TTL: variants seen among roughly 807,000 people sequenced by gnomAD.
TTL encodes tubulin--tyrosine ligase.
Under a neutral mutation model 41.1 loss-of-function variants are expected in TTL, and 10 were observed. The ratio of observed to expected loss-of-function variants is 0.24; its 90% CI spans 0.15 to 0.41. The LOEUF is 0.41. Ranked by LOEUF, TTL falls within the 10% of genes least tolerant of loss-of-function variation. TTL has a pLI of 1.00. For missense variants in TTL, 367 were observed against 460.4 expected, an observed-to-expected ratio of 0.80 and a Z score of 1.86; for synonymous variants, 175 against 175.5, an observed-to-expected ratio of 1.00 and a Z score of 0.02.
At chr2:112,495,365 CA>C (rs1054313391) in intron 3 of TTL, among the ~76,000 whole-genome samples, 1 of 152,212 alleles carries the variant, frequency 6.6e-6, no homozygotes, top group African/African-American at 2.4e-5. Context: ...AGGCTTCACA[CA>C]AACACAGACA....
At chr2:112,513,005 A>G (rs1388246020) in intron 5 of TTL, among the ~76,000 whole-genome samples, 2 of 151,330 alleles carry the variant, frequency 1.3e-5, no homozygotes, top group Admixed American at 1.3e-4. Flanking sequence ...TACAGTATAC[A>G]TATCAATTAT....
chr2:112,486,145 C>T (rs888282361), intron 2 of TTL, 150 bp downstream of exon 2: 2 of 734,952 alleles, frequency 2.7e-6, no homozygotes, highest in African/African-American at 1.8e-5. Flanking sequence ...TGGTTGCGGT[C>T]CAAAACATGG....
chr2:112,483,304 G>T (rs1423304131), intron 1 of TTL: 2 of 152,238 alleles, frequency 1.3e-5, no homozygotes, highest in East Asian at 1.9e-4. Flanking sequence ...GGGACTAGCG[G>T]CTCCTTTGTA....
intron 2 of TTL, among the ~76,000 whole-genome samples, chr2:112,487,607 G>A (rs1462914235): frequency 6.6e-6 from 1 of 152,208 alleles, no homozygotes; most frequent in African/African-American, 2.4e-5. Context: ...ATAAATATCT[G>A]TGACCTTGGA....
intron 2 of TTL, among the ~76,000 whole-genome samples, chr2:112,490,369 G>A (rs1000393507): frequency 6.6e-5 from 10 of 152,008 alleles, no homozygotes; most frequent in African/African-American, 2.4e-4. Flanking sequence ...AGTGAGCCGA[G>A]ATTGTGCCGC....
chr2:112,498,023 T>A (rs1372556867), intron 3 of TTL, among the ~76,000 whole-genome samples: 2 of 152,226 alleles, frequency 1.3e-5, no homozygotes, highest in East Asian at 3.9e-4. Context: ...AAACCAAAGT[T>A]AAAAACACAA....
At chr2:112,523,387 T>C (rs1464046634) in intron 6 of TTL, among the ~76,000 whole-genome samples, 1 of 149,714 alleles carries the variant, frequency 6.7e-6, no homozygotes, top group Non-Finnish European at 1.5e-5. Context: ...CGCCCCTTCT[T>C]CTTTATTTCT....
rs1682510398 is a variant in TTL at position 112,531,573 on chromosome 2, G to T, written c.*2778G>T. On this transcript the variant is annotated 3_prime_UTR_variant, in exon 7 of 7. Coordinates refer to ENST00000233336, the MANE Select transcript of TTL (RefSeq NM_153712.5). The stretch of plus-strand genomic sequence containing the variant: ...TGCCCACTCTTCCCCTGTACCCCCG[G>T]ACAGTTAAATCAGAACCTCAGACAG... 1 of 229,490 alleles carries T rather than the reference G, an allele frequency of 4.4e-6. No individual in the cohort carries two copies. The highest frequency in any genetic ancestry group is 5.7e-5 in the Admixed American group (1 of 17,626). 14.2% of individuals were successfully genotyped at this position (229,490 alleles called of 1,614,324 possible). A position where few individuals can be genotyped will look rare whatever the true frequency, so the allele number is the denominator to read the frequency against.
intron 5 of TTL, among the ~76,000 whole-genome samples, chr2:112,503,828 T>C (rs1185336421): frequency 1.5e-5 from 2 of 136,190 alleles, no homozygotes; most frequent in African/African-American, 5.3e-5. Context: ...TTTTTTTTAT[T>C]ATACTCTAAG....
rs1032859245 is a variant in TTL at position 112,541,225 on chromosome 2, C to T, written c.*12430C>T. ...GACAGGCAACAAAAGAAAAAAACTA[C>T]ACTTCAAAATTAAAACGTTTTGCTT... On this transcript the variant is annotated 3_prime_UTR_variant, in exon 7 of 7. Transcript: ENST00000233336. 2.6e-5 allele frequency: 4 copies of T among 152,034 alleles called. No homozygotes were observed. The highest frequency in any genetic ancestry group is 9.7e-5 in the African/African-American group (4 of 41,356). The allele number at this position is 152,034 out of a possible 1,614,324, so 9.4% of individuals were successfully genotyped here.
In TTL at chr2:112,502,928, G is replaced by A; in HGVS notation, c.622G>A (p.Asp208Asn). Residue 208 changes from aspartate to asparagine, a missense_variant, in exon 5 of 7, where the codon GAT (aspartate) becomes AAT (asparagine). Coordinates refer to ENST00000233336, the MANE Select transcript of TTL (RefSeq NM_153712.5). ...GAATTGCAGAAGCTGGGTCTTGGTGGATCATCAGTATAATATCTACCTCTA... is the reference window on the plus strand; with the variant it reads ...GAATTGCAGAAGCTGGGTCTTGGTGAATCATCAGTATAATATCTACCTCTA... Reference protein sequence around the residue: ...KFDIRSWVLVDHQYNIYLYRE... With the variant: ...KFDIRSWVLVNHQYNIYLYRE... 1 of 1,607,058 alleles carries A rather than the reference G, an allele frequency of 6.2e-7. No individual in the cohort carries two copies. Among genetic ancestry groups the A allele is most frequent in the East Asian group, 2.2e-5 (1 of 44,770 alleles).
intron 5 of TTL, among the ~76,000 whole-genome samples, chr2:112,503,458 A>G (rs11692276): frequency 0.24 from 35,635 of 146,438 alleles, 4,517 homozygotes; most frequent in African/African-American, 0.32. Context: ...TTTGAGACAG[A>G]GTTTTGCTCT....
At chr2:112,513,704 AT>A (rs1681991297) in intron 5 of TTL, among the ~76,000 whole-genome samples, 1 of 151,736 alleles carries the variant, frequency 6.6e-6, no homozygotes, top group Non-Finnish European at 1.5e-5. Context: ...AATACAAGCT[AT>A]ATAGAAGATG....
intron 5 of TTL, among the ~76,000 whole-genome samples, chr2:112,515,849 A>G (rs1309663616): frequency 6.6e-6 from 1 of 152,180 alleles, no homozygotes; most frequent in Non-Finnish European, 1.5e-5. Flanking sequence ...CAGGAGGCTG[A>G]GGAAGGAGAT....
At chr2:112,498,485 G>A (rs571835186) in intron 3 of TTL, among the ~76,000 whole-genome samples, 2 of 152,170 alleles carry the variant, frequency 1.3e-5, no homozygotes, top group Non-Finnish European at 2.9e-5. Context: ...CAGACATACC[G>A]TGTTCATGGA....
chr2:112,490,873 A>G (rs935106637), intron 2 of TTL, among the ~76,000 whole-genome samples: 2 of 152,114 alleles, frequency 1.3e-5, no homozygotes, highest in Non-Finnish European at 2.9e-5. Context: ...GTGCCCAGCC[A>G]TAAATCCATA....
intron 5 of TTL, among the ~76,000 whole-genome samples, chr2:112,511,130 C>T (rs1681909995): frequency 6.6e-6 from 1 of 151,928 alleles, no homozygotes; most frequent in Non-Finnish European, 1.5e-5. Context: ...CGTAAGTAGC[C>T]TAGGTAGCTG....
chr2:112,482,875 A>G lies in TTL; in HGVS notation c.157+374A>G, dbSNP rs1475446869. Reference sequence around the variant, plus strand: ...CGCCGCGCTGGGCGCGGCTCCGCAGAGCGGGCGGCTGGAGTCATCTTTTGC... The same window carrying G: ...CGCCGCGCTGGGCGCGGCTCCGCAGGGCGGGCGGCTGGAGTCATCTTTTGC... On this transcript the variant is annotated intron_variant, in intron 1 of 6. Coordinates refer to ENST00000233336, the MANE Select transcript of TTL (RefSeq NM_153712.5). This position sits in a 1 kb window ranked among gnomAD's most constrained non-coding sequence, Gnocchi z 5.3. 6.6e-6 allele frequency among the ~76,000 whole-genome samples: 1 copy of G among 152,082 alleles called. No homozygotes were observed. Among genetic ancestry groups the G allele is most frequent in the Non-Finnish European group, 1.5e-5 (1 of 68,004 alleles).
intron 2 of TTL, among the ~76,000 whole-genome samples, chr2:112,487,763 G>A (rs1681278424): frequency 6.6e-6 from 1 of 152,202 alleles, no homozygotes; most frequent in African/African-American, 2.4e-5. Flanking sequence ...GCTGGAGGTT[G>A]CATCATCCTC....
Sources: allele counts gnomAD v4.1 joint callset (sites outside exome capture counted in the v4.1 genomes callset), GRCh38; gene constraint gnomAD v4.1.1; non-coding constraint Gnocchi (gnomAD v3.1); transcripts MANE v1.5; gene names NCBI Gene and HGNC (gene_info 2026-07-23, HGNC 2026-07-21).